The following HAPSTR1 variants were observed in gnomAD, a reference collection of about 807,000 sequenced individuals.
The protein encoded by HAPSTR1 is HUWE1-associated protein modifying stress responses 1.
the HAPSTR1 span, among the ~76,000 whole-genome samples, chr16:9,100,634 A>G: frequency 1.3e-5 from 2 of 152,002 alleles, 1 homozygote; most frequent in African/African-American, 4.8e-5. Context: ...CCCAGGTTCA[A>G]GTGATTCTCC....
chr16:9,097,049 C>T, the HAPSTR1 span, among the ~76,000 whole-genome samples: 3 of 152,042 alleles, frequency 2.0e-5, no homozygotes, highest in African/African-American at 7.2e-5. Context: ...AAGCGATTCT[C>T]CTGCCTCAGC....
the HAPSTR1 span, chr16:9,112,925 C>G: frequency 6.6e-6 from 1 of 151,456 alleles, no homozygotes; most frequent in Admixed American, 6.6e-5. Flanking sequence ...CTGCTTTTGT[C>G]AATTGATACT....
the HAPSTR1 span, chr16:9,120,353 G>A: frequency 6.6e-6 from 1 of 152,224 alleles, no homozygotes; most frequent in South Asian, 2.1e-4. Context: ...AATATTTGAG[G>A]TGTGTGATGT....
chr16:9,103,424 C>T, the HAPSTR1 span: 71 of 685,130 alleles, frequency 1.0e-4, no homozygotes, highest in Middle Eastern at 1.2e-3. Context: ...TTAATATGGG[C>T]GATTTCTGTC....
chr16:9,092,948 C>G, the HAPSTR1 span: 14 of 1,597,110 alleles, frequency 8.8e-6, no homozygotes, highest in Admixed American at 2.2e-4. Flanking sequence ...CCAGGACTTT[C>G]TCTCTGGGTC....
the HAPSTR1 span, among the ~76,000 whole-genome samples, chr16:9,098,581 G>C: frequency 4.6e-5 from 7 of 152,280 alleles, no homozygotes; most frequent in South Asian, 8.3e-4. Flanking sequence ...TTGAGGCTGA[G>C]GGGAGAGGTT....
At chr16:9,096,189 A>G in the HAPSTR1 span, among the ~76,000 whole-genome samples, 170 of 152,286 alleles carry the variant, frequency 1.1e-3, no homozygotes, top group Admixed American at 5.2e-3. Context: ...ACTACCACAG[A>G]TTCTAGTACA....
the HAPSTR1 span, among the ~76,000 whole-genome samples, chr16:9,099,541 G>C: frequency 6.6e-6 from 1 of 152,292 alleles, no homozygotes; most frequent in East Asian, 1.9e-4. Context: ...GTGGTTAAAG[G>C]TTAGATTGAC....
chr16:9,103,003 A>G, the HAPSTR1 span: 24 of 1,614,108 alleles, frequency 1.5e-5, no homozygotes, highest in Non-Finnish European at 1.8e-5. Flanking sequence ...ATACCCATCA[A>G]CGAAGTTTTG....
At chr16:9,119,701 G>T in the HAPSTR1 span, 1 of 152,198 alleles carries the variant, frequency 6.6e-6, no homozygotes, top group African/African-American at 2.4e-5. Flanking sequence ...AAAAACCATG[G>T]GGCTTGTCTG....
the HAPSTR1 span, chr16:9,116,870 C>T: frequency 6.2e-7 from 1 of 1,614,174 alleles, no homozygotes; most frequent in Non-Finnish European, 8.5e-7. Flanking sequence ...GTGGCGATGT[C>T]ATTACAGACT....
the HAPSTR1 span, chr16:9,110,056 A>G: frequency 1.3e-5 from 2 of 152,148 alleles, no homozygotes; most frequent in Non-Finnish European, 2.9e-5. Context: ...TTTCTGGCCT[A>G]ATAGAATTAT....
At chr16:9,098,013 C>G in the HAPSTR1 span, among the ~76,000 whole-genome samples, 1 of 152,170 alleles carries the variant, frequency 6.6e-6, no homozygotes, top group African/African-American at 2.4e-5. Flanking sequence ...GGATGCCAGG[C>G]AGGCAACAAA....
At chr16:9,099,068 G>A in the HAPSTR1 span, among the ~76,000 whole-genome samples, 1 of 151,630 alleles carries the variant, frequency 6.6e-6, no homozygotes, top group Non-Finnish European at 1.5e-5. Flanking sequence ...ACCCCAGCCC[G>A]TTGTGGTGGG....
chr16:9,092,798 A>G, the HAPSTR1 span: 12 of 1,064,172 alleles, frequency 1.1e-5, no homozygotes, highest in African/African-American at 1.6e-4. Flanking sequence ...CAAAATGGCG[A>G]AACCTAATAT....
the HAPSTR1 span, chr16:9,104,899 ATT>A: frequency 6.6e-6 from 1 of 152,102 alleles, no homozygotes; most frequent in Non-Finnish European, 1.5e-5. Context: ...AAGTATTGTG[ATT>A]TTCTTCCTTT....
chr16:9,091,882 T>C, the HAPSTR1 span: 1 of 484,346 alleles, frequency 2.1e-6, no homozygotes, highest in South Asian at 9.4e-5. Context: ...GGGGCGGGGC[T>C]CGCCGGCCGT....
the HAPSTR1 span, chr16:9,107,864 G>C: frequency 4.0e-5 from 6 of 151,684 alleles, no homozygotes; most frequent in Non-Finnish European, 8.8e-5. Flanking sequence ...ACCTTGTCTT[G>C]GTCCTTTTTT....
At chr16:9,097,187 G>A in the HAPSTR1 span, among the ~76,000 whole-genome samples, 125 of 151,600 alleles carry the variant, frequency 8.2e-4, 4 homozygotes, top group East Asian at 0.02. Flanking sequence ...TGATCCGCCC[G>A]CCTTGGCCTC....
Sources: allele counts gnomAD v4.1 joint callset (sites outside exome capture counted in the v4.1 genomes callset), GRCh38; gene constraint gnomAD v4.1.1; transcripts MANE v1.5; gene names NCBI Gene and HGNC (gene_info 2026-07-23, HGNC 2026-07-21).